HTR1F: variants seen among roughly 807,000 people sequenced by gnomAD.
HTR1F encodes the protein 5-hydroxytryptamine receptor 1F, also known as 5-hydroxytryptamine (serotonin) receptor 1F, G protein-coupled.
Under a neutral mutation model 24.0 loss-of-function variants are expected in HTR1F, and 17 were observed. The observed-to-expected ratio is 0.71, with a 90% CI of 0.48 to 1.06. The LOEUF (loss-of-function observed/expected upper bound fraction) is 1.06, where lower values mean the gene tolerates loss of function less well. HTR1F is among the 50% of genes least tolerant of loss of function. The probability of loss-of-function intolerance (pLI) is 0.00; values close to 1 mark genes in which losing one functional copy is unlikely to be tolerated. For missense variants in HTR1F, 391 were observed against 427.8 expected, an observed-to-expected ratio of 0.91 and a Z score of 0.76; for synonymous variants, 186 against 156.8, an observed-to-expected ratio of 1.19 and a Z score of -1.39.
intron 1 of HTR1F, among the ~76,000 whole-genome samples, chr3:87,803,710 G>A (rs1359203616): frequency 6.6e-6 from 1 of 152,128 alleles, no homozygotes; most frequent in Non-Finnish European, 1.5e-5. Context: ...CTTCCAAACT[G>A]AAAAGTAGAA....
At chr3:87,823,085 T>C (rs761389480) in intron 2 of HTR1F, among the ~76,000 whole-genome samples, 7 of 152,182 alleles carry the variant, frequency 4.6e-5, no homozygotes, top group Non-Finnish European at 8.8e-5. Context: ...TTGTCATATA[T>C]ATGGATTTTA....
intron 2 of HTR1F, among the ~76,000 whole-genome samples, chr3:87,935,354 G>A (rs1476583183): frequency 6.6e-6 from 1 of 152,174 alleles, no homozygotes; most frequent in Non-Finnish European, 1.5e-5. Context: ...TGCATTGACT[G>A]CTCTTTAAGA....
At chr3:87,925,047 G>C (rs1161005127) in intron 2 of HTR1F, among the ~76,000 whole-genome samples, 4 of 151,040 alleles carry the variant, frequency 2.6e-5, no homozygotes, top group African/African-American at 4.8e-5. Flanking sequence ...AAGTCCCAAA[G>C]GTTTTATTCA....
chr3:87,919,312 G>C (rs1156915038), intron 2 of HTR1F, among the ~76,000 whole-genome samples: 2 of 151,978 alleles, frequency 1.3e-5, no homozygotes, highest in East Asian at 3.9e-4. Context: ...CAATGGCTTA[G>C]GCAAAGATTT....
At chr3:87,912,139 A>T (rs897267729) in intron 2 of HTR1F, among the ~76,000 whole-genome samples, 2 of 152,102 alleles carry the variant, frequency 1.3e-5, no homozygotes, top group African/African-American at 4.8e-5. Context: ...CTGTTTGCCA[A>T]TGACATGATT....
intron 2 of HTR1F, among the ~76,000 whole-genome samples, chr3:87,832,757 C>CTTTCACA (rs1704609461): frequency 6.6e-6 from 1 of 152,206 alleles, no homozygotes; most frequent in South Asian, 2.1e-4. Flanking sequence ...CACAGAGTTT[C>CTTTCACA]TTTCACATTT....
At chr3:87,946,916 C>T (rs528756718) in intron 2 of HTR1F, among the ~76,000 whole-genome samples, 56 of 152,208 alleles carry the variant, frequency 3.7e-4, no homozygotes, top group East Asian at 5.8e-4. Context: ...TGAGCCACCA[C>T]GCCCAGCCCA....
At chr3:87,965,108 T>C (rs1454013193) in intron 2 of HTR1F, among the ~76,000 whole-genome samples, 3 of 152,216 alleles carry the variant, frequency 2.0e-5, no homozygotes, top group Non-Finnish European at 2.9e-5. Flanking sequence ...GTCTCAGCTA[T>C]GTCTTTGTTA....
At chr3:87,838,821 TA>T (rs1229846099) in intron 2 of HTR1F, among the ~76,000 whole-genome samples, 1,604 of 140,754 alleles carry the variant, frequency 0.011, 34 homozygotes, top group African/African-American at 0.034. Flanking sequence ...ACTTCCTTCC[TA>T]AAAAAAAAAA....
intron 1 of HTR1F, among the ~76,000 whole-genome samples, chr3:87,820,520 T>C (rs1029165266): frequency 2.0e-5 from 3 of 152,120 alleles, no homozygotes; most frequent in Non-Finnish European, 4.4e-5. Context: ...GACATCAAGA[T>C]GTCAAGAAAT....
intron 2 of HTR1F, among the ~76,000 whole-genome samples, chr3:87,888,339 G>A (rs934315121): frequency 1.3e-5 from 2 of 152,038 alleles, no homozygotes; most frequent in African/African-American, 4.8e-5. Context: ...TCTGGAGGAG[G>A]GATAGCATTA....
chr3:87,878,020 C>T (rs894486734), intron 2 of HTR1F, among the ~76,000 whole-genome samples: 1 of 152,108 alleles, frequency 6.6e-6, no homozygotes, highest in African/African-American at 2.4e-5. Context: ...TAAGTGCAGA[C>T]TTGAACGATT....
At chr3:87,881,630 A>G (rs920771746) in intron 2 of HTR1F, among the ~76,000 whole-genome samples, 11 of 152,214 alleles carry the variant, frequency 7.2e-5, no homozygotes, top group Non-Finnish European at 1.6e-4. Context: ...TATTTAATAA[A>G]TGGTGCTGGG....
chr3:87,927,678 C>G (rs1704160238), intron 2 of HTR1F, among the ~76,000 whole-genome samples: 1 of 152,060 alleles, frequency 6.6e-6, no homozygotes, highest in African/African-American at 2.4e-5. Flanking sequence ...TTTGTACCAC[C>G]TCTACAAATA....
At chr3:87,910,809 C>T (rs1374467779) in intron 2 of HTR1F, among the ~76,000 whole-genome samples, 3 of 151,856 alleles carry the variant, frequency 2.0e-5, no homozygotes, top group Admixed American at 6.6e-5. Flanking sequence ...GAAATCAATA[C>T]TTTAAAAATT....
chr3:87,933,139 C>G (rs1443740771), intron 2 of HTR1F, among the ~76,000 whole-genome samples: 2 of 151,738 alleles, frequency 1.3e-5, no homozygotes, highest in African/African-American at 2.4e-5. Context: ...AAAGGCCTTT[C>G]ACAAAATTCA....
intron 2 of HTR1F, among the ~76,000 whole-genome samples, chr3:87,982,025 C>T (rs1400505823): frequency 6.6e-6 from 1 of 151,982 alleles, no homozygotes; most frequent in African/African-American, 2.4e-5. Context: ...CCACCTCAAG[C>T]AGTTCTCATG....
intron 2 of HTR1F, among the ~76,000 whole-genome samples, chr3:87,974,180 G>A (rs191033946): frequency 2.0e-5 from 3 of 152,260 alleles, no homozygotes; most frequent in Admixed American, 1.3e-4. Context: ...TGTTGCCAAC[G>A]GGCAACATCT....
At chr3:87,802,724 G>C (rs1704014697) in intron 1 of HTR1F, among the ~76,000 whole-genome samples, 1 of 152,068 alleles carries the variant, frequency 6.6e-6, no homozygotes, top group Admixed American at 6.6e-5. Context: ...ATCAGAAAAA[G>C]ACTAATTTGG....
Sources: allele counts gnomAD v4.1 joint callset (sites outside exome capture counted in the v4.1 genomes callset), GRCh38; gene constraint gnomAD v4.1.1; transcripts MANE v1.5; gene names NCBI Gene and HGNC (gene_info 2026-07-23, HGNC 2026-07-21).